SMAD9: variants seen among roughly 807,000 people sequenced by gnomAD.
SMAD9 encodes the protein SMAD family member 9, also known as MAD homolog 9.
In SMAD9, 36 loss-of-function variants were observed where a neutral mutation model predicts 46.1. The ratio of observed to expected loss-of-function variants is 0.78; its 90% confidence interval spans 0.60 to 1.03. The LOEUF is 1.03. Among genes scored for constraint, SMAD9 ranks in the 50% least tolerant of loss-of-function variants. The pLI is 0.00. For missense variants in SMAD9, 572 were observed against 599.8 expected, an observed-to-expected ratio of 0.95 and a Z score of 0.48; for synonymous variants, 245 against 237.1, an observed-to-expected ratio of 1.03 and a Z score of -0.31.
chr13:36,863,821 C>T (rs2058206412), intron 5 of SMAD9, among the ~76,000 whole-genome samples: 1 of 152,124 alleles, frequency 6.6e-6, no homozygotes, highest in Non-Finnish European at 1.5e-5. Flanking sequence ...CCAGTACAGC[C>T]TGCAGACCCA....
intron 1 of SMAD9, among the ~76,000 whole-genome samples, chr13:36,880,501 G>A (rs1232095172): frequency 4.6e-5 from 7 of 152,164 alleles, no homozygotes; most frequent in Non-Finnish European, 8.8e-5. Context: ...AAAAAGAATC[G>A]TGAATAATCT....
intron 6 of SMAD9, among the ~76,000 whole-genome samples, chr13:36,852,676 G>C (rs938341440): frequency 3.3e-5 from 5 of 152,036 alleles, no homozygotes; most frequent in African/African-American, 1.2e-4. Context: ...GCCTATTTTT[G>C]TAGCTTATTC....
intron 1 of SMAD9, among the ~76,000 whole-genome samples, chr13:36,915,871 T>C (rs989729071): frequency 1.3e-5 from 2 of 152,244 alleles, no homozygotes; most frequent in African/African-American, 4.8e-5. Flanking sequence ...TTGAGCTGAT[T>C]AGAGCTTCCC....
At chr13:36,857,309 G>A (rs1195541984) in intron 5 of SMAD9, among the ~76,000 whole-genome samples, 1 of 152,180 alleles carries the variant, frequency 6.6e-6, no homozygotes, top group African/African-American at 2.4e-5. Flanking sequence ...CCTGCAGCCT[G>A]TTCTAACTCC....
intron 5 of SMAD9, among the ~76,000 whole-genome samples, chr13:36,860,616 A>AT (rs952810371): frequency 8.7e-5 from 13 of 149,462 alleles, no homozygotes; most frequent in South Asian, 2.2e-4. Flanking sequence ...CGCCCGGCTA[A>AT]TTTTTTTTTG....
chr13:36,877,498 G>A lies in SMAD9; in HGVS notation c.412+1780C>T, dbSNP rs564878147. Among the ~76,000 whole-genome samples, 25 of 145,212 alleles carry A rather than the reference G, an allele frequency of 1.7e-4. 1 individual carries two copies. Among genetic ancestry groups the A allele is most frequent in the East Asian group, 1.5e-3 (7 of 4,622 alleles). On this transcript the variant is annotated intron_variant, in intron 2 of 6. Transcript: ENST00000379826. ...TACAACTACATTATTCAGGAAGACA[G>A]AAATGATTTATTAATGAACATTTTT... is the stretch of plus-strand genomic sequence containing the variant.
chr13:36,907,674 A>G (rs2058629819), intron 1 of SMAD9, among the ~76,000 whole-genome samples: 1 of 152,164 alleles, frequency 6.6e-6, no homozygotes, highest in Non-Finnish European at 1.5e-5. Flanking sequence ...CCCTGACTCT[A>G]AAAATAAATA....
intron 5 of SMAD9, 78 bp downstream of exon 5, chr13:36,865,459 G>C (rs1436018044): frequency 1.5e-5 from 18 of 1,163,024 alleles, no homozygotes; most frequent in Non-Finnish European, 2.2e-5. Flanking sequence ...ACATGTGAGG[G>C]TGGTCACGTG....
rs1162780893 is a variant in SMAD9, at chr13:36,867,367, CA to C, written c.686del (p.Leu229ArgfsTer17). On this transcript the variant is annotated frameshift_variant, in exon 4 of 7. Coordinates refer to ENST00000379826, the MANE Select transcript of SMAD9 (RefSeq NM_001127217.3). LOFTEE classifies it high-confidence loss of function. ...CAGAGGCTTCTGTGGCATGATAAGGCAGGGGTGGTGTGTCAACTAAAAGAAA... is the reference window on the plus strand; with the variant it reads ...CAGAGGCTTCTGTGGCATGATAAGGCGGGGTGGTGTGTCAACTAAAAGAAA... ...PYQHSVDTPPLPYHATEASET... is the reference protein window; with the variant it reads ...PYQHSVDTPPXPYHATEASET... The C allele has an allele frequency of 1.0e-5, 16 of 1,549,612 alleles. No homozygotes were observed. The highest frequency in any genetic ancestry group is 1.4e-5 in the Non-Finnish European group (16 of 1,146,038).
Position 36,847,924 on chromosome 13 carries a change from T to C in SMAD9, c.*752A>G, listed in dbSNP as rs1361615162. On this transcript the variant is annotated 3_prime_UTR_variant, in exon 7 of 7. Transcript: ENST00000379826. ...GCAGGAGTCTCCCTGGGTGGCTGGCTCTTGGACCAAGTTCTGGTCTTATCT... is the reference window on the plus strand; with the variant it reads ...GCAGGAGTCTCCCTGGGTGGCTGGCCCTTGGACCAAGTTCTGGTCTTATCT... The C allele has an allele frequency of 6.6e-6, 1 of 152,270 alleles. No individual in the cohort carries two copies. The highest frequency in any genetic ancestry group is 1.5e-5 in the Non-Finnish European group (1 of 68,068). The allele number at this position is 152,270 out of a possible 1,614,324, so 9.4% of individuals were successfully genotyped here. A position where few individuals can be genotyped will look rare whatever the true frequency, so the allele number is the denominator to read the frequency against.
chr13:36,903,899 C>G (rs868307319), intron 1 of SMAD9, among the ~76,000 whole-genome samples: 1 of 152,044 alleles, frequency 6.6e-6, no homozygotes, highest in Non-Finnish European at 1.5e-5. Flanking sequence ...AATTACAGGG[C>G]ACACGTGATA....
chr13:36,888,677 C>T (rs963555829), intron 1 of SMAD9, among the ~76,000 whole-genome samples: 3 of 152,096 alleles, frequency 2.0e-5, no homozygotes, highest in African/African-American at 4.8e-5. Context: ...TGGAAGTAGG[C>T]GGTGCTCTCA....
At chr13:36,869,747 T>C (rs2058271970) in intron 3 of SMAD9, among the ~76,000 whole-genome samples, 2 of 151,986 alleles carry the variant, frequency 1.3e-5, no homozygotes, top group Admixed American at 1.3e-4. Context: ...GAGAATGGCT[T>C]GTACCTGGGA....
At position 36,848,838 on chromosome 13, in the gene SMAD9, G is replaced by A; in HGVS notation, c.1261-19C>T. On this transcript the variant is annotated intron_variant, in intron 6 of 6. Transcript: ENST00000379826. ...CCCAACCCTGAAAAACAAGAAAGGAGCTGAGTGATGGTGCCACACTTACAC... is the reference window on the plus strand; with the variant it reads ...CCCAACCCTGAAAAACAAGAAAGGAACTGAGTGATGGTGCCACACTTACAC... The A allele has an allele frequency of 1.2e-6, 2 of 1,612,254 alleles. No individual in the cohort carries two copies. The highest frequency in any genetic ancestry group is 1.7e-6 in the Non-Finnish European group (2 of 1,179,884).
At chr13:36,882,243 GTGTGTGTGTGTGTGTGTA>G (rs1229005402) in intron 1 of SMAD9, among the ~76,000 whole-genome samples, 3,870 of 151,070 alleles carry the variant, frequency 0.026, 168 homozygotes, top group African/African-American at 0.09. Context: ...GTGTGTGTGT[GTGTGTGTGTGTGTGTGTA>G]TGTGTGTGCG....
intron 6 of SMAD9, chr13:36,849,682 A>G (rs938247619): frequency 6.7e-6 from 1 of 150,054 alleles, no homozygotes; most frequent in Non-Finnish European, 1.5e-5. Flanking sequence ...ACTGATATTT[A>G]TTTTGTATTT....
intron 5 of SMAD9, 67 bp from the exon 6 acceptor site, chr13:36,853,742 T>C: frequency 6.4e-7 from 1 of 1,558,914 alleles, no homozygotes; most frequent in Non-Finnish European, 8.8e-7. Context: ...CACTGATTCC[T>C]GAAACCCTAG....
chr13:36,853,350 T>C (rs1219816714), intron 6 of SMAD9, 69 bp downstream of exon 6: 3 of 1,486,424 alleles, frequency 2.0e-6, no homozygotes, highest in Non-Finnish European at 1.9e-6. Context: ...GCCTGCCACA[T>C]CAGTCAGGGT....
chr13:36,906,290 A>T lies in SMAD9; in HGVS notation c.-187+13826T>A, dbSNP rs1015028582. Among the ~76,000 whole-genome samples the T allele has an allele frequency of 3.9e-5, 6 of 152,190 alleles. No homozygotes were observed. In the East Asian group the frequency reaches 5.8e-4, roughly 15 times the overall value. ...TGGGTTTTTAAAAACAGGAAATTTT[A>T]AAAAATGTTTTATTCCTTTTATTTA... On this transcript the variant is annotated intron_variant, in intron 1 of 6. Coordinates refer to ENST00000379826, the MANE Select transcript of SMAD9 (RefSeq NM_001127217.3).
Sources: gnomAD v4.1 joint callset for allele counts (sites outside exome capture counted in the v4.1 genomes callset) on GRCh38, gnomAD v4.1.1 for gene constraint, MANE v1.5 for transcripts, NCBI Gene and HGNC (gene_info 2026-07-23, HGNC 2026-07-21) for gene names.